Variants in FAM117B observed in about 807,000 individuals in gnomAD.
FAM117B encodes the protein family with sequence similarity 117 member B.
In FAM117B, 22 loss-of-function variants were observed where a neutral mutation model predicts 52.8. That is an observed-to-expected ratio of 0.42 (90% CI 0.30 to 0.59). The LOEUF (loss-of-function observed/expected upper bound fraction) is 0.59. Ranked by LOEUF, FAM117B falls within the 20% of genes least tolerant of loss-of-function variation. FAM117B has a pLI of 0.22. For missense variants in FAM117B, 678 were observed against 802.6 expected (o/e 0.84, Z 1.88); for synonymous variants, 309 against 324.1 (o/e 0.95, Z 0.50).
At chr2:202,638,105 A>G (rs1257980552) in intron 1 of FAM117B, among the ~76,000 whole-genome samples, 1 of 152,042 alleles carries the variant, frequency 6.6e-6, no homozygotes, top group Non-Finnish European at 1.5e-5. Context: ...CAAGCTCCCA[A>G]CCTCAGGTGA....
At chr2:202,667,450 GTGTC>G (rs1391619651) in intron 1 of FAM117B, among the ~76,000 whole-genome samples, 6 of 151,652 alleles carry the variant, frequency 4.0e-5, no homozygotes, top group Non-Finnish European at 5.9e-5. Context: ...TTGTGTATGT[GTGTC>G]TGTGTGTCTG....
At chr2:202,664,227 A>C (rs1221916388) in intron 1 of FAM117B, among the ~76,000 whole-genome samples, 1 of 152,236 alleles carries the variant, frequency 6.6e-6, no homozygotes, top group African/African-American at 2.4e-5. Flanking sequence ...ATCTTTTCTG[A>C]AGTTATATTT....
chr2:202,678,058 T>C (rs1167445491), intron 1 of FAM117B, among the ~76,000 whole-genome samples: 1 of 152,196 alleles, frequency 6.6e-6, no homozygotes, highest in Non-Finnish European at 1.5e-5. Context: ...AAGTGTGATA[T>C]ATTAATATGA....
chr2:202,755,471 A>G (rs185467932), intron 4 of FAM117B, 67 bp from the exon 5 acceptor site: 274 of 1,567,874 alleles, frequency 1.7e-4, no homozygotes, highest in Middle Eastern at 1.2e-3. Context: ...GTCTGTTGGA[A>G]TTACGCTTCA....
chr2:202,731,383 G>T (rs1691346968), intron 4 of FAM117B, among the ~76,000 whole-genome samples: 7 of 70,716 alleles, frequency 9.9e-5, no homozygotes, highest in South Asian at 5.5e-4. Context: ...AGAGAGAGAA[G>T]CTCCTTCTCA....
At chr2:202,709,298 G>A (rs1690924713) in intron 2 of FAM117B, among the ~76,000 whole-genome samples, 1 of 151,626 alleles carries the variant, frequency 6.6e-6, no homozygotes, top group Non-Finnish European at 1.5e-5. Context: ...TGCCTCCCGG[G>A]TTCAAGCGAT....
chr2:202,677,070 T>C (rs1160622442), intron 1 of FAM117B, among the ~76,000 whole-genome samples: 3 of 151,740 alleles, frequency 2.0e-5, no homozygotes, highest in Non-Finnish European at 4.4e-5. Context: ...TTTCTTTTTT[T>C]TTTTTTTTCC....
At chr2:202,648,180 G>A (rs1434073567) in intron 1 of FAM117B, among the ~76,000 whole-genome samples, 3 of 152,098 alleles carry the variant, frequency 2.0e-5, no homozygotes, top group Non-Finnish European at 2.9e-5. Flanking sequence ...TTGTTTCTTT[G>A]TATAATTCCA....
At chr2:202,746,592 A>T (rs953251626) in intron 4 of FAM117B, among the ~76,000 whole-genome samples, 14 of 152,126 alleles carry the variant, frequency 9.2e-5, no homozygotes, top group African/African-American at 3.4e-4. Context: ...TAGAAGAAAG[A>T]TTATTAAAGA....
At chr2:202,698,003 G>A in intron 2 of FAM117B, among the ~76,000 whole-genome samples, 1 of 152,078 alleles carries the variant, frequency 6.6e-6, no homozygotes, top group East Asian at 1.9e-4. Flanking sequence ...CTGAGTAGGT[G>A]AGATTACAGG....
intron 4 of FAM117B, among the ~76,000 whole-genome samples, chr2:202,753,749 CAT>C (rs901856236): frequency 8.0e-5 from 12 of 149,918 alleles, no homozygotes; most frequent in African/African-American, 2.5e-5. Context: ...GGCCAACAAA[CAT>C]GTAAAAAAAA....
chr2:202,695,424 A>G (rs767242864), intron 1 of FAM117B, among the ~76,000 whole-genome samples: 12 of 152,124 alleles, frequency 7.9e-5, no homozygotes, highest in Non-Finnish European at 1.5e-4. Flanking sequence ...AACGTGAATC[A>G]TTCCTTTGTC....
intron 1 of FAM117B, among the ~76,000 whole-genome samples, chr2:202,695,441 A>G (rs1253028273): frequency 6.6e-6 from 1 of 152,096 alleles, no homozygotes; most frequent in African/African-American, 2.4e-5. Flanking sequence ...TGTCCAACGT[A>G]TGCACGTTGT....
Position 202,695,976 on chromosome 2 carries a change from T to C in FAM117B, c.697T>C (p.Trp233Arg). 1 of 1,614,222 alleles carries C rather than the reference T, an allele frequency of 6.2e-7. No homozygotes were observed. Among genetic ancestry groups the C allele is most frequent in the South Asian group, 1.1e-5 (1 of 91,084 alleles). ...TGCTGCACCGTATCTTGCTGGACAC[T>C]GGCCTCGGGATAGCCATGGGCAAGC... Reference protein sequence around the residue: ...TLAAPYLAGHWPRDSHGQAAP... With the variant: ...TLAAPYLAGHRPRDSHGQAAP... The change falls in exon 2 of 8, where the codon TGG becomes CGG. Residue 233 changes from tryptophan (W) to arginine (R), a missense_variant. By Grantham distance (101) the Trp-to-Arg change is moderately radical (BLOSUM62 -3). This residue lies in a region of FAM117B where 583 missense variants were observed against 644.8 expected (regional missense o/e 0.90). Coordinates refer to ENST00000392238, the MANE Select transcript of FAM117B (RefSeq NM_173511.4).
chr2:202,738,697 C>T (rs1691478093), intron 4 of FAM117B, among the ~76,000 whole-genome samples: 1 of 152,082 alleles, frequency 6.6e-6, no homozygotes, highest in Admixed American at 6.6e-5. Flanking sequence ...TTCTGTGACC[C>T]TAGATTATTA....
chr2:202,731,297 A>G (rs1336738897), intron 4 of FAM117B, among the ~76,000 whole-genome samples: 1 of 127,544 alleles, frequency 7.8e-6, no homozygotes, highest in Non-Finnish European at 1.6e-5. Flanking sequence ...TAAAAGACAG[A>G]TAATAAGTGT....
At chr2:202,721,613 A>T (rs759476863) in intron 2 of FAM117B, among the ~76,000 whole-genome samples, 55 of 152,076 alleles carry the variant, frequency 3.6e-4, no homozygotes, top group Non-Finnish European at 5.4e-4. Context: ...TAATTACCTT[A>T]TAATTTTAGT....
chr2:202,645,542 G>A (rs964813296), intron 1 of FAM117B, among the ~76,000 whole-genome samples: 8 of 151,454 alleles, frequency 5.3e-5, no homozygotes, highest in African/African-American at 1.9e-4. Context: ...GCCCGCCTCG[G>A]CCTCCCAAAG....
Position 202,659,832 on chromosome 2 carries a change from G to T in FAM117B, c.601+24044G>T, listed in dbSNP as rs185138298. ...GATGGGGTTTTACCATGTTGGCCAGGCTGGTCTCAAACTCCTGACCTCGTG... is the reference window on the plus strand; with the variant it reads ...GATGGGGTTTTACCATGTTGGCCAGTCTGGTCTCAAACTCCTGACCTCGTG... On this transcript the variant is annotated intron_variant, in intron 1 of 7. Coordinates refer to ENST00000392238, the MANE Select transcript of FAM117B (RefSeq NM_173511.4). Among the ~76,000 whole-genome samples, 406 of 151,396 alleles carry T rather than the reference G, an allele frequency of 2.7e-3. 3 individuals carry two copies. The highest frequency in any genetic ancestry group is 8.9e-3 in the African/African-American group (367 of 41,254).
Sources: allele counts gnomAD v4.1 joint callset (sites outside exome capture counted in the v4.1 genomes callset), GRCh38; gene constraint gnomAD v4.1.1; regional missense constraint gnomAD v4.1.1; transcripts MANE v1.5; gene names NCBI Gene and HGNC (gene_info 2026-07-23, HGNC 2026-07-21).